Variants in BCL2L1 observed in about 807,000 individuals in gnomAD.
The protein encoded by BCL2L1 is bcl-2-like protein 1.
Under a neutral mutation model 18.7 loss-of-function variants are expected in BCL2L1, and 1 was observed. The ratio of observed to expected loss-of-function variants is 0.05; its 90% CI spans 0.02 to 0.25. The LOEUF is 0.25. BCL2L1 is among the 10% of genes least tolerant of loss of function. The pLI, the probability that BCL2L1 is intolerant of heterozygous loss-of-function variation, is 1.00. For missense variants in BCL2L1, 207 were observed against 304.9 expected (o/e 0.68, Z 2.39); for synonymous variants, 103 against 122.7 (o/e 0.84, Z 1.06).
chr20:31,701,431 T>C (rs2061275882), intron 2 of BCL2L1, among the ~76,000 whole-genome samples: 1 of 152,220 alleles, frequency 6.6e-6, no homozygotes, highest in African/African-American at 2.4e-5. Context: ...TAAAAACTGC[T>C]CAGTTCAAAG....
At chr20:31,711,203 C>A (rs994230151) in intron 2 of BCL2L1, among the ~76,000 whole-genome samples, 4 of 152,218 alleles carry the variant, frequency 2.6e-5, no homozygotes, top group African/African-American at 9.6e-5. Flanking sequence ...AAAAAACACA[C>A]TTACATTTCA....
chr20:31,699,935 T>C (rs1275875632), intron 2 of BCL2L1, among the ~76,000 whole-genome samples: 1 of 152,166 alleles, frequency 6.6e-6, no homozygotes, highest in East Asian at 1.9e-4. Flanking sequence ...CCTCCATCTA[T>C]AACACAAAAG....
At chr20:31,703,322 T>C (rs539865943) in intron 2 of BCL2L1, among the ~76,000 whole-genome samples, 1 of 152,124 alleles carries the variant, frequency 6.6e-6, no homozygotes, top group South Asian at 2.1e-4. Context: ...GGATTACAGA[T>C]GTGAGCCACT....
At chr20:31,688,657 T>G (rs2061003321) in intron 2 of BCL2L1, among the ~76,000 whole-genome samples, 1 of 152,086 alleles carries the variant, frequency 6.6e-6, no homozygotes. Context: ...AATTCCACTT[T>G]TAGGGATTCA....
intron 2 of BCL2L1, among the ~76,000 whole-genome samples, chr20:31,708,114 G>A (rs1374924804): frequency 6.6e-6 from 1 of 152,198 alleles, no homozygotes; most frequent in Non-Finnish European, 1.5e-5. Context: ...GGAAAGAATG[G>A]TTAGGTGTGC....
chr20:31,719,743 G>A (rs527907531), intron 2 of BCL2L1, among the ~76,000 whole-genome samples: 7 of 152,286 alleles, frequency 4.6e-5, no homozygotes, highest in African/African-American at 1.7e-4. Context: ...GCAATTCTCT[G>A]GTAGGGGTAG....
intron 2 of BCL2L1, chr20:31,686,426 AG>A (rs2060956578): frequency 6.6e-6 from 1 of 152,246 alleles, no homozygotes. Flanking sequence ...GCATCGTCAG[AG>A]GTTCAATGAG....
In BCL2L1 at chr20:31,721,828, A is replaced by G. The variant is rs1364350485; in HGVS notation, c.391T>C (p.Phe131Leu). The change falls in exon 2 of 3, where the codon TTC (phenylalanine) becomes CTC (leucine). Residue 131 changes from phenylalanine to leucine, a missense_variant. By Grantham distance (22) the Phe-to-Leu change is conservative. Coordinates refer to ENST00000307677, the MANE Select transcript of BCL2L1 (RefSeq NM_138578.3). Reference sequence around the variant, plus strand: ...CGACCCCAGTTTACCCCATCCCGGAAGAGTTCATTCACTACCTGTTCAAAG... The same window carrying G: ...CGACCCCAGTTTACCCCATCCCGGAGGAGTTCATTCACTACCTGTTCAAAG... ...QSFEQVVNEL[F>L]RDGVNWGRIV... 1.2e-6 allele frequency: 2 copies of G among 1,614,210 alleles called. No homozygotes were observed. The highest frequency in any genetic ancestry group is 1.7e-6 in the Non-Finnish European group (2 of 1,180,038).
At chr20:31,687,508 T>C (rs1445391093) in intron 2 of BCL2L1, among the ~76,000 whole-genome samples, 1 of 150,974 alleles carries the variant, frequency 6.6e-6, no homozygotes, top group East Asian at 1.9e-4. Context: ...ACCCCTTCTC[T>C]ACTAAAAATA....
At chr20:31,704,842 T>G (rs1301797860) in intron 2 of BCL2L1, among the ~76,000 whole-genome samples, 1 of 152,190 alleles carries the variant, frequency 6.6e-6, no homozygotes, top group Non-Finnish European at 1.5e-5. Context: ...CAGGAACTGG[T>G]CGATAAAGAG....
chr20:31,711,521 T>C (rs1291331703), intron 2 of BCL2L1, among the ~76,000 whole-genome samples: 1 of 152,208 alleles, frequency 6.6e-6, no homozygotes, highest in Non-Finnish European at 1.5e-5. Context: ...CATTGAGGGA[T>C]GGGACTCAGT....
At chr20:31,708,976 C>G (rs1469718584) in intron 2 of BCL2L1, among the ~76,000 whole-genome samples, 3 of 152,242 alleles carry the variant, frequency 2.0e-5, no homozygotes, top group South Asian at 4.1e-4. Flanking sequence ...GGCAGCTTAC[C>G]TGATCTGCAG....
intron 2 of BCL2L1, among the ~76,000 whole-genome samples, chr20:31,681,258 G>C (rs1040524017): frequency 4.6e-5 from 7 of 152,130 alleles, no homozygotes; most frequent in Admixed American, 3.9e-4. Context: ...AGATCTCCAG[G>C]GGTCTGGTGA....
chr20:31,671,522 TC>T (rs1416397712), intron 2 of BCL2L1, among the ~76,000 whole-genome samples: 3 of 152,042 alleles, frequency 2.0e-5, no homozygotes, highest in Non-Finnish European at 2.9e-5. Flanking sequence ...AGTCCCCTCT[TC>T]CCTGCTCATC....
chr20:31,715,275 A>T (rs2061515302), intron 2 of BCL2L1, among the ~76,000 whole-genome samples: 1 of 151,362 alleles, frequency 6.6e-6, no homozygotes, highest in South Asian at 2.1e-4. Flanking sequence ...CTGTCTCAAA[A>T]AAAAAAAAAA....
At chr20:31,678,247 C>T (rs564494867) in intron 2 of BCL2L1, among the ~76,000 whole-genome samples, 3 of 152,182 alleles carry the variant, frequency 2.0e-5, no homozygotes, top group Non-Finnish European at 2.9e-5. Flanking sequence ...AAAGCTATGG[C>T]GACTCCCTTG....
intron 2 of BCL2L1, among the ~76,000 whole-genome samples, chr20:31,702,571 T>G (rs1239998331): frequency 6.6e-6 from 1 of 151,958 alleles, no homozygotes; most frequent in Non-Finnish European, 1.5e-5. Context: ...TGGAGTGCAA[T>G]GGTGCGATCT....
At chr20:31,698,192 G>A (rs2061214792) in intron 2 of BCL2L1, among the ~76,000 whole-genome samples, 1 of 152,060 alleles carries the variant, frequency 6.6e-6, no homozygotes, top group African/African-American at 2.4e-5. Context: ...CCAGCCTGGT[G>A]ATCCTTTAAA....
intron 2 of BCL2L1, among the ~76,000 whole-genome samples, chr20:31,683,769 C>CAA (rs372160646): frequency 3.7e-5 from 3 of 80,716 alleles, no homozygotes; most frequent in African/African-American, 6.5e-5. Flanking sequence ...AACTCCATCT[C>CAA]AAAAAAAAAA....
Sources: allele counts gnomAD v4.1 joint callset (sites outside exome capture counted in the v4.1 genomes callset), GRCh38; gene constraint gnomAD v4.1.1; transcripts MANE v1.5; gene names NCBI Gene and HGNC (gene_info 2026-07-23, HGNC 2026-07-21).